MARCHF6: variants seen among roughly 807,000 people sequenced by gnomAD.
MARCHF6 encodes membrane associated ring-CH-type finger 6.
Under a neutral mutation model 133.7 loss-of-function variants are expected in MARCHF6, and 31 were observed. The observed-to-expected ratio is 0.23, with a 90% CI of 0.17 to 0.31. The LOEUF (loss-of-function observed/expected upper bound fraction) is 0.31. Ranked by LOEUF, MARCHF6 falls within the 10% of genes least tolerant of loss-of-function variation. MARCHF6 has a pLI of 1.00. For synonymous variants in MARCHF6, 395 were observed against 402.5 expected, an observed-to-expected ratio of 0.98 and a Z score of 0.22; for missense variants, 723 against 1,121.6, an observed-to-expected ratio of 0.64 and a Z score of 5.08.
intron 3 of MARCHF6, among the ~76,000 whole-genome samples, chr5:10,380,902 G>A (rs971612119): frequency 1.3e-5 from 2 of 151,358 alleles, no homozygotes; most frequent in Non-Finnish European, 2.9e-5. Flanking sequence ...ACTCCAGCCT[G>A]GGCAACAGAG....
At chr5:10,359,317 AACAG>A (rs1490658394) in intron 1 of MARCHF6, among the ~76,000 whole-genome samples, 1 of 152,204 alleles carries the variant, frequency 6.6e-6, no homozygotes, top group African/African-American at 2.4e-5. Flanking sequence ...TTATCTTGTA[AACAG>A]ACAGGTATCA....
At chr5:10,372,831 T>C (rs1736550144) in intron 1 of MARCHF6, among the ~76,000 whole-genome samples, 1 of 152,218 alleles carries the variant, frequency 6.6e-6, no homozygotes, top group South Asian at 2.1e-4. Context: ...CATCTCTAGC[T>C]GCATTCATTC....
At chr5:10,367,390 G>C (rs904331458) in intron 1 of MARCHF6, among the ~76,000 whole-genome samples, 19 of 152,106 alleles carry the variant, frequency 1.2e-4, no homozygotes, top group African/African-American at 4.6e-4. Flanking sequence ...TGGGAACTCT[G>C]TACTCTCTTC....
chr5:10,419,639 G>A (rs1296296695), intron 22 of MARCHF6, among the ~76,000 whole-genome samples: 2 of 148,664 alleles, frequency 1.3e-5, no homozygotes, highest in Non-Finnish European at 3.0e-5. Flanking sequence ...ACAGAAAAAT[G>A]CCAGCAAATA....
chr5:10,384,223 T>G (rs1261062189), intron 4 of MARCHF6, among the ~76,000 whole-genome samples: 1 of 151,898 alleles, frequency 6.6e-6, no homozygotes, highest in Admixed American at 6.5e-5. Flanking sequence ...AGAATAAGCA[T>G]AAAACAAAAT....
Position 10,371,345 on chromosome 5 carries a change from A to G in MARCHF6, c.20-6453A>G, listed in dbSNP as rs1403604380. ...TGTGTGTAGAGATGGTAGGTGTATT[A>G]GTCTGTTTTCATGCTGCTGATAAAG... On this transcript the variant is annotated intron_variant, in intron 1 of 25. Coordinates refer to ENST00000274140, the MANE Select transcript of MARCHF6 (RefSeq NM_005885.4). Among the ~76,000 whole-genome samples, 3 of 152,052 alleles carry G rather than the reference A, an allele frequency of 2.0e-5. No individual in the cohort carries two copies. The East Asian group carries it at 5.8e-4, about 29-fold the overall frequency.
At chr5:10,397,646 G>A (rs1164247794) in intron 10 of MARCHF6, among the ~76,000 whole-genome samples, 2 of 151,952 alleles carry the variant, frequency 1.3e-5, no homozygotes, top group South Asian at 2.1e-4. Context: ...TCTGGAATTA[G>A]TTTTATGCTG....
chr5:10,378,601 G>A (rs10073870), intron 2 of MARCHF6, among the ~76,000 whole-genome samples, 158 bp from the exon 3 acceptor site: 5,041 of 152,202 alleles, frequency 0.033, 278 homozygotes, highest in African/African-American at 0.12. Context: ...TTCATTCTTA[G>A]AAGGCAGTTA....
intron 2 of MARCHF6, 44 bp from the exon 3 acceptor site, chr5:10,378,715 C>G: frequency 8.5e-7 from 1 of 1,182,882 alleles, no homozygotes; most frequent in Non-Finnish European, 1.2e-6. Context: ...TGTAATGTTT[C>G]TTTGCTGTAA....
intron 24 of MARCHF6, among the ~76,000 whole-genome samples, chr5:10,426,926 C>T (rs1052499198): frequency 1.3e-5 from 2 of 152,214 alleles, no homozygotes; most frequent in African/African-American, 4.8e-5. Flanking sequence ...ATGGGCAACA[C>T]GTTTATACTG....
intron 1 of MARCHF6, among the ~76,000 whole-genome samples, chr5:10,361,957 T>G (rs1329708714): frequency 6.6e-6 from 1 of 152,014 alleles, no homozygotes; most frequent in Non-Finnish European, 1.5e-5. Flanking sequence ...GAGATGGGGT[T>G]TCTCCATGTT....
chr5:10,423,435 G>C (rs1739929755), intron 22 of MARCHF6, among the ~76,000 whole-genome samples: 1 of 152,094 alleles, frequency 6.6e-6, no homozygotes, highest in African/African-American at 2.4e-5. Flanking sequence ...TAAAATCTTG[G>C]CATTTATTTT....
intron 3 of MARCHF6, 49 bp from the exon 4 acceptor site, chr5:10,381,751 C>G: frequency 7.2e-7 from 1 of 1,389,192 alleles, no homozygotes; most frequent in Non-Finnish European, 9.8e-7. Flanking sequence ...ATGAATTAAG[C>G]TATTTTCGAA....
chr5:10,353,949 T>TG, intron 1 of MARCHF6, 32 bp downstream of exon 1: 1 of 1,536,620 alleles, frequency 6.5e-7, no homozygotes, highest in Non-Finnish European at 8.7e-7. Context: ...CCCGAGCCCT[T>TG]GCGTCGGCGC....
intron 1 of MARCHF6, 42 bp from the exon 2 acceptor site, chr5:10,377,756 G>C: frequency 1.4e-6 from 2 of 1,432,946 alleles, no homozygotes; most frequent in Non-Finnish European, 2.0e-6. Context: ...TTTTAAAAAA[G>C]TTATAACCAA....
intron 22 of MARCHF6, among the ~76,000 whole-genome samples, chr5:10,417,867 A>G (rs1269094778): frequency 2.0e-5 from 3 of 152,032 alleles, no homozygotes; most frequent in Admixed American, 1.3e-4. Flanking sequence ...ATCTTTCAGA[A>G]TATGCAGGTC....
Position 10,426,372 on chromosome 5 carries a change from C to CT in MARCHF6, c.2374-13dup. 1 of 1,611,366 alleles carries CT rather than the reference C, an allele frequency of 6.2e-7. No homozygotes were observed. The highest frequency in any genetic ancestry group is 8.5e-7 in the Non-Finnish European group (1 of 1,178,716). On this transcript the variant is annotated splice_polypyrimidine_tract_variant and intron_variant, in intron 23 of 25. Transcript: ENST00000274140. ...TTGTCTTGTATCTTTGTTCTAATTG[C>CT]TTTTTGTAATGTTTCAGGTTTACGC...
intron 4 of MARCHF6, among the ~76,000 whole-genome samples, chr5:10,384,321 C>T (rs1437161425): frequency 2.1e-5 from 3 of 142,326 alleles, no homozygotes; most frequent in African/African-American, 7.7e-5. Flanking sequence ...TTCTGGCACT[C>T]AAAAAAAAAA....
At chr5:10,392,651 G>A (rs536008902) in intron 7 of MARCHF6, among the ~76,000 whole-genome samples, 2 of 152,244 alleles carry the variant, frequency 1.3e-5, no homozygotes, top group South Asian at 4.1e-4. Flanking sequence ...CTACTTGGGA[G>A]GCTGAGATAG....
Sources: allele counts gnomAD v4.1 joint callset (sites outside exome capture counted in the v4.1 genomes callset), GRCh38; gene constraint gnomAD v4.1.1; transcripts MANE v1.5; gene names NCBI Gene and HGNC (gene_info 2026-07-23, HGNC 2026-07-21).